BBS9: variants seen among roughly 807,000 people sequenced by gnomAD.
BBS9 encodes the protein protein PTHB1.
A neutral mutation model predicts 117.7 loss-of-function variants in BBS9; 89 were observed. That is an observed-to-expected ratio of 0.76 (90% CI 0.64 to 0.90). The LOEUF is 0.90. Ranked by LOEUF, BBS9 falls within the 40% of genes least tolerant of loss-of-function variation. The pLI, the probability that BBS9 is intolerant of heterozygous loss-of-function variation, is 0.00. For missense variants in BBS9, 982 were observed against 1,042.2 expected (o/e 0.94, Z 0.80); for synonymous variants, 379 against 370.9 (o/e 1.02, Z -0.25).
chr7:33,246,426 C>T (rs1161538494), intron 5 of BBS9, among the ~76,000 whole-genome samples: 1 of 151,580 alleles, frequency 6.6e-6, no homozygotes, highest in Non-Finnish European at 1.5e-5. Context: ...ATGTAAAAAG[C>T]AAATATTTAG....
At chr7:33,314,478 A>G (rs1810036924) in intron 9 of BBS9, 2 of 221,352 alleles carry the variant, frequency 9.0e-6, no homozygotes. Flanking sequence ...TAGGGAAGGA[A>G]TATTACATGA....
At chr7:33,481,833 A>C (rs1842549338) in intron 19 of BBS9, among the ~76,000 whole-genome samples, 1 of 152,184 alleles carries the variant, frequency 6.6e-6, no homozygotes, top group African/African-American at 2.4e-5. Flanking sequence ...TTGAAAGGAC[A>C]TGGGGTCTTA....
At chr7:33,298,855 A>G (rs1255461321) in intron 9 of BBS9, among the ~76,000 whole-genome samples, 1 of 152,192 alleles carries the variant, frequency 6.6e-6, no homozygotes, top group Admixed American at 6.5e-5. Flanking sequence ...GCGAGGCTGA[A>G]CTACTGGTAC....
At chr7:33,211,340 T>G (rs1233653989) in intron 5 of BBS9, among the ~76,000 whole-genome samples, 1 of 152,194 alleles carries the variant, frequency 6.6e-6, no homozygotes, top group Non-Finnish European at 1.5e-5. Flanking sequence ...ATGTTTTTGA[T>G]TTGAAGTTCC....
chr7:33,462,535 T>C (rs1344081347), intron 19 of BBS9, among the ~76,000 whole-genome samples: 1 of 152,106 alleles, frequency 6.6e-6, no homozygotes, highest in African/African-American at 2.4e-5. Context: ...TTACAGTAGA[T>C]TGACTTGGAA....
chr7:33,150,286 C>A (rs1351369637), intron 2 of BBS9, among the ~76,000 whole-genome samples: 2 of 152,156 alleles, frequency 1.3e-5, no homozygotes, highest in East Asian at 3.8e-4. Context: ...ACCTATCATT[C>A]TTTTATTTTA....
intron 20 of BBS9, among the ~76,000 whole-genome samples, chr7:33,524,855 G>A (rs1849229023): frequency 6.6e-6 from 1 of 152,024 alleles, no homozygotes; most frequent in Non-Finnish European, 1.5e-5. Context: ...TGTCAATTTT[G>A]GATCTTTCCT....
chr7:33,450,058 C>T (rs1324118112), intron 19 of BBS9, among the ~76,000 whole-genome samples: 1 of 152,186 alleles, frequency 6.6e-6, no homozygotes, highest in Non-Finnish European at 1.5e-5. Flanking sequence ...CTGACAACCA[C>T]CATTCTACTT....
chr7:33,303,110 T>C (rs1806857378), intron 9 of BBS9, among the ~76,000 whole-genome samples: 1 of 152,206 alleles, frequency 6.6e-6, no homozygotes, highest in Admixed American at 6.5e-5. Flanking sequence ...TTTTGTATGT[T>C]GATTTTGTAT....
intron 19 of BBS9, among the ~76,000 whole-genome samples, chr7:33,410,003 A>G (rs1830822613): frequency 6.6e-6 from 1 of 151,972 alleles, no homozygotes; most frequent in Non-Finnish European, 1.5e-5. Flanking sequence ...GAGTGCTATG[A>G]TTAAACCTCT....
At chr7:33,421,796 C>A (rs1832900208) in intron 19 of BBS9, among the ~76,000 whole-genome samples, 1 of 152,158 alleles carries the variant, frequency 6.6e-6, no homozygotes, top group Admixed American at 6.5e-5. Flanking sequence ...TAACACTGAT[C>A]TTTCTTAAAG....
intron 7 of BBS9, among the ~76,000 whole-genome samples, chr7:33,266,972 T>C (rs1243273409): frequency 6.6e-6 from 1 of 152,144 alleles, no homozygotes; most frequent in East Asian, 1.9e-4. Context: ...CTCGATCTCT[T>C]GACCTCGTGA....
intron 21 of BBS9, among the ~76,000 whole-genome samples, chr7:33,550,251 TA>T (rs1352841211): frequency 6.6e-6 from 1 of 152,232 alleles, no homozygotes; most frequent in African/African-American, 2.4e-5. Context: ...GTTTTCAGTG[TA>T]AATTTGTGAA....
intron 17 of BBS9, among the ~76,000 whole-genome samples, chr7:33,371,054 TAAG>T (rs897081025): frequency 1.4e-4 from 21 of 152,180 alleles, no homozygotes; most frequent in African/African-American, 4.8e-4. Context: ...CCTAAAATAA[TAAG>T]AAATCATTTT....
At chr7:33,324,003 A>G (rs1473339565) in intron 9 of BBS9, among the ~76,000 whole-genome samples, 1 of 151,798 alleles carries the variant, frequency 6.6e-6, no homozygotes, top group African/African-American at 2.4e-5. Context: ...ACACCTGGCT[A>G]ATTTTTGTAT....
intron 19 of BBS9, among the ~76,000 whole-genome samples, chr7:33,443,967 T>A (rs1230676201): frequency 1.3e-5 from 2 of 152,206 alleles, no homozygotes; most frequent in Non-Finnish European, 2.9e-5. Flanking sequence ...CTGTTTGAAT[T>A]GGTCCTCTGA....
chr7:33,445,223 T>G (rs994046578), intron 19 of BBS9, among the ~76,000 whole-genome samples: 2 of 152,224 alleles, frequency 1.3e-5, no homozygotes, highest in Non-Finnish European at 2.9e-5. Flanking sequence ...AAGCATTGAC[T>G]AACTGCTGAA....
chr7:33,247,088 G>C (rs182540473), intron 5 of BBS9, among the ~76,000 whole-genome samples: 1 of 152,180 alleles, frequency 6.6e-6, no homozygotes, highest in Admixed American at 6.5e-5. Context: ...ATGTGTGTGT[G>C]TGTGCATGCA....
chr7:33,251,254 G>A lies in BBS9; in HGVS notation c.443-5982G>A, dbSNP rs374566350. The stretch of plus-strand genomic sequence containing the variant: ...CAAATGGCCTCTGTGATTCCATACC[G>A]TATGCTCCTCACGCATTACTCACCA... On this transcript the variant is annotated intron_variant, in intron 5 of 22. Transcript: ENST00000242067. Among the ~76,000 whole-genome samples, 40 of 152,230 alleles carry A rather than the reference G, an allele frequency of 2.6e-4. No homozygotes were observed. The South Asian group carries it at 4.6e-3, about 17-fold the overall frequency.
Sources: gnomAD v4.1 joint callset for allele counts (sites outside exome capture counted in the v4.1 genomes callset) on GRCh38, gnomAD v4.1.1 for gene constraint, MANE v1.5 for transcripts, NCBI Gene and HGNC (gene_info 2026-07-23, HGNC 2026-07-21) for gene names.